EZH2: variants seen among roughly 807,000 people sequenced by gnomAD.
EZH2 encodes histone-lysine N-methyltransferase EZH2.
Under a neutral mutation model 98.4 loss-of-function variants are expected in EZH2, and 18 were observed. That is an observed-to-expected ratio of 0.18 (90% CI 0.13 to 0.27). The LOEUF (loss-of-function observed/expected upper bound fraction) is 0.27, where lower values mean the gene tolerates loss of function less well. Among genes scored for constraint, EZH2 ranks in the 10% least tolerant of loss-of-function variants. The pLI is 1.00. For synonymous variants in EZH2, 338 were observed against 312.3 expected (o/e 1.08, Z -0.87); for missense variants, 470 against 935.1 (o/e 0.50, Z 6.49).
At chr7:148,819,314 C>T (rs1361203431) in intron 9 of EZH2, among the ~76,000 whole-genome samples, 2 of 152,180 alleles carry the variant, frequency 1.3e-5, no homozygotes, top group Non-Finnish European at 1.5e-5. Context: ...CCTTGCAACT[C>T]TCATAGACTT....
At chr7:148,843,939 G>A (rs1414586784) in intron 3 of EZH2, among the ~76,000 whole-genome samples, 1 of 152,072 alleles carries the variant, frequency 6.6e-6, no homozygotes, top group African/African-American at 2.4e-5. Flanking sequence ...ACTAAAAATT[G>A]TCATTGATTT....
intron 1 of EZH2, among the ~76,000 whole-genome samples, chr7:148,852,144 T>C (rs1453993734): frequency 6.6e-6 from 1 of 152,192 alleles, no homozygotes; most frequent in Non-Finnish European, 1.5e-5. Flanking sequence ...GGCTCTTTAA[T>C]ACAAAAGCCA....
chr7:148,858,392 G>A (rs1351306021), intron 1 of EZH2, among the ~76,000 whole-genome samples: 10 of 151,996 alleles, frequency 6.6e-5, no homozygotes, highest in Non-Finnish European at 1.3e-4. Context: ...CTGGAGTTCC[G>A]TGGCCCGACC....
chr7:148,847,126 G>A, intron 2 of EZH2, 56 bp downstream of exon 2: 8 of 1,548,526 alleles, frequency 5.2e-6, no homozygotes, highest in Non-Finnish European at 6.9e-6. Context: ...GAACTTAGGA[G>A]GGGAAAAAAC....
chr7:148,868,651 A>G (rs1250499610), intron 1 of EZH2, among the ~76,000 whole-genome samples: 1 of 152,252 alleles, frequency 6.6e-6, no homozygotes, highest in Non-Finnish European at 1.5e-5. Flanking sequence ...TGAGAGGGCC[A>G]GGATGAGTGG....
In EZH2 at chr7:148,813,669, T is replaced by C. The variant is rs149359766; in HGVS notation, c.1851+290A>G. On this transcript the variant is annotated intron_variant, in intron 15 of 19. Coordinates refer to ENST00000320356, the MANE Select transcript of EZH2 (RefSeq NM_004456.5). The stretch of plus-strand genomic sequence containing the variant: ...CTAAAAGACAAATTCAAATAATCTA[T>C]TAAACAGGTAGAAAAAATACCTCTT... 1.3e-3 allele frequency among the ~76,000 whole-genome samples: 202 copies of C among 152,038 alleles called. 1 individual carries two copies. The highest frequency in any genetic ancestry group is 4.8e-3 in the African/African-American group (198 of 41,462).
At chr7:148,808,273 G>A (rs1017847753) in intron 19 of EZH2, among the ~76,000 whole-genome samples, 14 of 152,250 alleles carry the variant, frequency 9.2e-5, no homozygotes, top group African/African-American at 3.1e-4. Context: ...AGTGAAGGCA[G>A]CGGCCTTTGC....
chr7:148,868,344 T>C (rs547352453), intron 1 of EZH2, among the ~76,000 whole-genome samples: 173 of 152,288 alleles, frequency 1.1e-3, no homozygotes, highest in Middle Eastern at 6.8e-3. Flanking sequence ...AGGAAACTTA[T>C]CATCACAGTG....
At chr7:148,824,791 C>T (rs1330803801) in intron 8 of EZH2, among the ~76,000 whole-genome samples, 2 of 152,122 alleles carry the variant, frequency 1.3e-5, no homozygotes, top group Admixed American at 1.3e-4. Flanking sequence ...ATGATGAAGA[C>T]ACTGGCTCTA....
chr7:148,843,013 G>A (rs941893275), intron 3 of EZH2, among the ~76,000 whole-genome samples: 1 of 152,022 alleles, frequency 6.6e-6, no homozygotes, highest in Non-Finnish European at 1.5e-5. Flanking sequence ...TTCGAGACCA[G>A]CCTGACCAAA....
intron 8 of EZH2, among the ~76,000 whole-genome samples, chr7:148,823,377 C>T (rs1272351876): frequency 1.3e-5 from 2 of 152,360 alleles, no homozygotes; most frequent in East Asian, 1.9e-4. Flanking sequence ...GAACCTCCTA[C>T]AGCACAGGCT....
chr7:148,819,754 T>G, intron 8 of EZH2, 67 bp from the exon 9 acceptor site: 12 of 1,368,852 alleles, frequency 8.8e-6, no homozygotes, highest in Non-Finnish European at 1.2e-5. Flanking sequence ...CTCTTCCAGT[T>G]CCACTGGAAA....
At chr7:148,816,599 G>A in intron 12 of EZH2, 85 bp downstream of exon 12, 1 of 977,674 alleles carries the variant, frequency 1.0e-6, no homozygotes, top group Non-Finnish European at 1.6e-6. Flanking sequence ...AGACTAAGTA[G>A]AAACCAACAA....
chr7:148,844,023 T>C (rs1813277092), intron 3 of EZH2, among the ~76,000 whole-genome samples: 1 of 152,214 alleles, frequency 6.6e-6, no homozygotes, highest in Non-Finnish European at 1.5e-5. Context: ...AAGCAGTTAA[T>C]TAAAACAATG....
chr7:148,882,786 A>C (rs1013316621), intron 1 of EZH2, among the ~76,000 whole-genome samples: 1 of 151,856 alleles, frequency 6.6e-6, no homozygotes, highest in African/African-American at 2.4e-5. Flanking sequence ...CAAGCCTTTA[A>C]GTAAATAGCA....
In EZH2 at chr7:148,818,050, C is replaced by T; in HGVS notation, c.1067G>A (p.Gly356Glu). 1 of 1,614,054 alleles carries T rather than the reference C, an allele frequency of 6.2e-7. No individual in the cohort carries two copies. The highest frequency in any genetic ancestry group is 8.5e-7 in the Non-Finnish European group (1 of 1,180,006). Residue 356 changes from glycine (G) to glutamate (E), a missense_variant, in exon 10 of 20, where the codon GGA (glycine) becomes GAA (glutamate). Coordinates refer to ENST00000320356, the MANE Select transcript of EZH2 (RefSeq NM_004456.5). Reference protein sequence around the residue: ...ERIKTPPKRPGGRRRGRLPNN... With the variant: ...ERIKTPPKRPEGRRRGRLPNN... ...GGGAAGCCGTCCTCTTCTGCGGCCT[C>T]CTGGACGTTTTGGTGGGGTCTTTAT...
chr7:148,834,360 C>CATATATAT (rs1482644901), intron 3 of EZH2, among the ~76,000 whole-genome samples: 31 of 126,168 alleles, frequency 2.5e-4, no homozygotes, highest in African/African-American at 8.8e-4. Context: ...TATACACACA[C>CATATATAT]ACACACACAC....
intron 1 of EZH2, among the ~76,000 whole-genome samples, chr7:148,866,744 T>TAGA (rs1818608255): frequency 6.7e-6 from 1 of 149,194 alleles, no homozygotes; most frequent in Non-Finnish European, 1.5e-5. Context: ...AGACAGGGTC[T>TAGA]CACTCTGTTG....
chr7:148,825,994 A>G (rs964118656), intron 8 of EZH2, among the ~76,000 whole-genome samples: 18 of 152,210 alleles, frequency 1.2e-4, no homozygotes, highest in Non-Finnish European at 2.6e-4. Context: ...ATTCAAATGC[A>G]GGTATTTTTA....
Sources: allele counts gnomAD v4.1 joint callset (sites outside exome capture counted in the v4.1 genomes callset), GRCh38; gene constraint gnomAD v4.1.1; transcripts MANE v1.5; gene names NCBI Gene and HGNC (gene_info 2026-07-23, HGNC 2026-07-21).